The following TTC12 variants were observed in gnomAD, a reference collection of about 807,000 sequenced individuals.
The protein encoded by TTC12 is tetratricopeptide repeat domain 12.
A neutral mutation model predicts 90.1 loss-of-function variants in TTC12; 70 were observed. The observed-to-expected ratio is 0.78, with a 90% CI of 0.64 to 0.95. The LOEUF (loss-of-function observed/expected upper bound fraction) is 0.95, where lower values mean the gene tolerates loss of function less well. Among genes scored for constraint, TTC12 ranks in the 40% least tolerant of loss-of-function variants. TTC12 has a pLI of 0.00. For missense variants in TTC12, 819 were observed against 846.1 expected (o/e 0.97, Z 0.40); for synonymous variants, 296 against 311.5 (o/e 0.95, Z 0.53).
chr11:113,364,749 A>G (rs189194025), intron 20 of TTC12, 86 bp from the exon 21 acceptor site: 3 of 1,085,960 alleles, frequency 2.8e-6, no homozygotes, highest in South Asian at 1.3e-5. Context: ...GTCCGCTGAC[A>G]TCTCCCTGCA....
chr11:113,333,825 ATTG>A (rs1302290486), intron 7 of TTC12, among the ~76,000 whole-genome samples: 6 of 152,058 alleles, frequency 3.9e-5, no homozygotes, highest in African/African-American at 7.2e-5. Context: ...CTCTTTTATT[ATTG>A]TTGTTATTCT....
chr11:113,327,328 T>C (rs568240361), intron 6 of TTC12, among the ~76,000 whole-genome samples: 1 of 152,336 alleles, frequency 6.6e-6, no homozygotes, highest in South Asian at 2.1e-4. Flanking sequence ...TAATGGACAA[T>C]GTGCTCCCTG....
downstream of TTC12, among the ~76,000 whole-genome samples, chr11:113,367,892 C>T (rs1950265335): frequency 6.6e-6 from 1 of 152,210 alleles, no homozygotes; most frequent in African/African-American, 2.4e-5. Context: ...CAAACAAACA[C>T]CCTTCAAGAG....
At chr11:113,364,050 G>A (rs778931546) in intron 20 of TTC12, 123 bp downstream of exon 20, 63 of 652,196 alleles carry the variant, frequency 9.7e-5, no homozygotes, top group Non-Finnish European at 1.6e-5. Context: ...CCAGACTTCA[G>A]CAATGTTTAC....
chr11:113,359,998 G>T lies in TTC12; in HGVS notation c.1604G>T (p.Gly535Val). ...CLSLLNSQDGGILTRAAGVLS... is the reference protein window; with the variant it reads ...CLSLLNSQDGVILTRAAGVLS... ...TCTTTACTAAACAGCCAGGATGGAG[G>T]AATCCTGACAGTAAGTTTCTCCCAG... Residue 535 changes from glycine (G) to valine (V), a missense_variant, in exon 18 of 22, where the codon GGA becomes GTA. Gly to Val is a moderately radical substitution (Grantham distance 109). Transcript: ENST00000529221. 6.3e-7 allele frequency: 1 copy of T among 1,595,084 alleles called. No individual in the cohort carries two copies. The highest frequency in any genetic ancestry group is 8.5e-7 in the Non-Finnish European group (1 of 1,170,384).
chr11:113,361,468 C>T (rs1219681766), intron 18 of TTC12, among the ~76,000 whole-genome samples: 3 of 152,128 alleles, frequency 2.0e-5, no homozygotes, highest in East Asian at 1.9e-4. Context: ...CGTAGCTGGG[C>T]AGTAGCAGGT....
chr11:113,349,373 A>G (rs1242311686), intron 13 of TTC12, among the ~76,000 whole-genome samples: 1 of 152,190 alleles, frequency 6.6e-6, no homozygotes, highest in Non-Finnish European at 1.5e-5. Context: ...GCTTAATGCA[A>G]GTTTGCTGGA....
chr11:113,356,522 G>T (rs1377035640), intron 16 of TTC12, among the ~76,000 whole-genome samples: 2 of 152,170 alleles, frequency 1.3e-5, no homozygotes, highest in Non-Finnish European at 2.9e-5. Context: ...TATTTATGTG[G>T]TTGCTTTATA....
downstream of TTC12, among the ~76,000 whole-genome samples, chr11:113,371,272 C>T (rs1374270095): frequency 1.3e-5 from 2 of 152,332 alleles, no homozygotes; most frequent in East Asian, 3.9e-4. Flanking sequence ...AACCTACATA[C>T]ATTCTCATAT....
At chr11:113,329,591 G>C in intron 6 of TTC12, 1 of 485,586 alleles carries the variant, frequency 2.1e-6, no homozygotes, top group South Asian at 1.5e-5. Context: ...TCGCAGAGCT[G>C]TCCTCCCACA....
chr11:113,368,344 C>CCTGTT, downstream of TTC12: 1 of 1,547,640 alleles, frequency 6.5e-7, no homozygotes, highest in South Asian at 1.2e-5. Flanking sequence ...TTACCCCTAA[C>CCTGTT]ACATGCTACC....
intron 10 of TTC12, 47 bp downstream of exon 10, chr11:113,339,521 G>T: frequency 2.0e-6 from 3 of 1,528,718 alleles, no homozygotes; most frequent in Non-Finnish European, 1.8e-6. Context: ...CAGTGTGAAG[G>T]GACACATTCA....
At chr11:113,363,968 T>C in intron 20 of TTC12, 41 bp downstream of exon 20, 1 of 1,404,208 alleles carries the variant, frequency 7.1e-7, no homozygotes, top group Non-Finnish European at 1.0e-6. Context: ...GTCCCAGAGG[T>C]TCATCCACCC....
At chr11:113,364,626 G>C (rs781606780) in intron 20 of TTC12, 1 of 577,102 alleles carries the variant, frequency 1.7e-6, no homozygotes, top group Admixed American at 2.9e-5. Context: ...TCTAGGAAGC[G>C]GAGATACTTC....
Position 113,366,311 on chromosome 11 carries a change from G to A in TTC12, c.*11G>A, listed in dbSNP as rs368904911. ...ATCAGTGATTCTTGAGAGAGACAGG[G>A]TTTGTGTGCATTTGGGGAACACACA... On this transcript the variant is annotated 3_prime_UTR_variant, in exon 22 of 22. Transcript: ENST00000529221. 8 of 1,613,144 alleles carry A rather than the reference G, an allele frequency of 5.0e-6. No homozygotes were observed. The highest frequency in any genetic ancestry group is 6.8e-6 in the Non-Finnish European group (8 of 1,180,030).
At chr11:113,353,128 A>G (rs1323125196) in intron 16 of TTC12, among the ~76,000 whole-genome samples, 1 of 152,154 alleles carries the variant, frequency 6.6e-6, no homozygotes, top group Non-Finnish European at 1.5e-5. Flanking sequence ...CCTTGCCAGC[A>G]TCTGTTATTT....
At chr11:113,365,752 C>CG (rs148661752) in intron 21 of TTC12, among the ~76,000 whole-genome samples, 1,562 of 152,286 alleles carry the variant, frequency 0.01, 34 homozygotes, top group African/African-American at 0.036. Flanking sequence ...AGGGTAACCC[C>CG]GGGAGCTGAG....
At chr11:113,365,182 T>C (rs1950143746) in intron 21 of TTC12, 122 bp downstream of exon 21, 2 of 880,404 alleles carry the variant, frequency 2.3e-6, no homozygotes, top group Admixed American at 4.3e-5. Context: ...ATGCTTTCTG[T>C]GCAGACCTAG....
rs751504714 is a variant in TTC12, at chr11:113,364,827, C to T, written c.1817-8C>T. On this transcript the variant is annotated splice_region_variant and splice_polypyrimidine_tract_variant and intron_variant, in intron 20 of 21. Coordinates refer to ENST00000529221, the MANE Select transcript of TTC12 (RefSeq NM_017868.4). The stretch of plus-strand genomic sequence containing the variant: ...GGAGCTGTTGCTTGTTCTCTTCTTT[C>T]CCTGCAGAGTTGAGCGTTATGATGA... 1.2e-6 allele frequency: 2 copies of T among 1,612,960 alleles called. No homozygotes were observed. The highest frequency in any genetic ancestry group is 2.2e-5 in the South Asian group (2 of 91,006).
Sources: allele counts gnomAD v4.1 joint callset (sites outside exome capture counted in the v4.1 genomes callset), GRCh38; gene constraint gnomAD v4.1.1; transcripts MANE v1.5; gene names NCBI Gene and HGNC (gene_info 2026-07-23, HGNC 2026-07-21).